Variants in JMJD1C observed in about 807,000 individuals in gnomAD.
The protein encoded by JMJD1C is jumonji domain-containing protein 1C.
A neutral mutation model predicts 245.3 loss-of-function variants in JMJD1C; 31 were observed. The observed-to-expected ratio is 0.13, with a 90% CI of 0.09 to 0.17. The LOEUF (loss-of-function observed/expected upper bound fraction) is 0.17. JMJD1C is among the 10% of genes least tolerant of loss of function. The pLI is 1.00. For synonymous variants in JMJD1C, 1,057 were observed against 1,017.4 expected (o/e 1.04, Z -0.74); for missense variants, 2,691 against 3,000.2 (o/e 0.90, Z 2.41).
intron 2 of JMJD1C, among the ~76,000 whole-genome samples, chr10:63,373,721 CAT>C (rs1278534363): frequency 6.6e-6 from 1 of 152,156 alleles, no homozygotes; most frequent in African/African-American, 2.4e-5. Context: ...ATTGCCATCT[CAT>C]ATACAGATCC....
chr10:63,468,600 GAATT>G (rs1235756269), upstream of JMJD1C, among the ~76,000 whole-genome samples: 1 of 152,104 alleles, frequency 6.6e-6, no homozygotes, highest in African/African-American at 2.4e-5. Flanking sequence ...GAATGACAGT[GAATT>G]ACTTAAAATA....
At chr10:63,224,243 T>A (rs1419933458) in intron 3 of JMJD1C, among the ~76,000 whole-genome samples, 10 of 152,236 alleles carry the variant, frequency 6.6e-5, no homozygotes, top group African/African-American at 2.4e-4. Context: ...TCTCCTCATC[T>A]ATAAAGCAGA....
intron 2 of JMJD1C, among the ~76,000 whole-genome samples, chr10:63,358,547 T>C (rs576506727): frequency 6.6e-6 from 1 of 152,180 alleles, no homozygotes; most frequent in South Asian, 2.1e-4. Context: ...TATCATATAT[T>C]AGGGTTAGAA....
chr10:63,207,359 C>T lies in JMJD1C; in HGVS notation c.4310G>A (p.Ser1437Asn), dbSNP rs1429603659. The change falls in exon 10 of 26, where the codon AGT (serine) becomes AAT (asparagine). Residue 1437 changes from serine to asparagine, a missense_variant. Around this residue, in one of 9 missense-constraint regions of JMJD1C, gnomAD observed 1,562 missense variants for 1,490.7 expected, o/e 1.05. Coordinates refer to ENST00000399262, the MANE Select transcript of JMJD1C (RefSeq NM_032776.3). ...TTTTTGAGCCACTGGCTGACTGACA[C>T]TTTTTGAAGATACACATTCTGATGA... ...STSSECVSSK[S>N]VSQPVAQKQE... The T allele has an allele frequency of 1.2e-5, 20 of 1,613,784 alleles. No individual in the cohort carries two copies. The Admixed American group carries it at 3.3e-4, about 27-fold the overall frequency.
At chr10:63,501,658 C>A (rs1757170832) in intron 1 of JMJD1C, among the ~76,000 whole-genome samples, 1 of 152,064 alleles carries the variant, frequency 6.6e-6, no homozygotes, top group Non-Finnish European at 1.5e-5. Flanking sequence ...TGCCTATAGT[C>A]CCAGCTACTA....
At chr10:63,283,943 T>C (rs144873918) in intron 2 of JMJD1C, among the ~76,000 whole-genome samples, 36 of 152,174 alleles carry the variant, frequency 2.4e-4, no homozygotes, top group African/African-American at 7.7e-4. Context: ...GTTCATGAAC[T>C]AGGTTTGTCA....
chr10:63,412,972 C>A (rs758290730), intron 1 of JMJD1C, among the ~76,000 whole-genome samples: 3 of 151,934 alleles, frequency 2.0e-5, no homozygotes, highest in Non-Finnish European at 4.4e-5. Flanking sequence ...ATAGTGTATA[C>A]GAGGGATGAT....
At chr10:63,319,864 A>C (rs765991875) in intron 2 of JMJD1C, among the ~76,000 whole-genome samples, 11 of 152,166 alleles carry the variant, frequency 7.2e-5, no homozygotes, top group Non-Finnish European at 1.5e-4. Context: ...TCCAGGTTCA[A>C]GCAATTCTCC....
intron 2 of JMJD1C, among the ~76,000 whole-genome samples, chr10:63,364,880 C>CA (rs1374972661): frequency 6.6e-6 from 1 of 152,214 alleles, no homozygotes; most frequent in African/African-American, 2.4e-5. Flanking sequence ...CAAATCCCAC[C>CA]ATACTACAGC....
chr10:63,474,974 G>C (rs546420963), intron 1 of JMJD1C, among the ~76,000 whole-genome samples: 1 of 152,180 alleles, frequency 6.6e-6, no homozygotes, highest in Admixed American at 6.5e-5. Flanking sequence ...TTACCCATGG[G>C]GGTGGGTAGT....
chr10:63,299,142 G>A (rs1047934251), intron 2 of JMJD1C, among the ~76,000 whole-genome samples: 1 of 152,070 alleles, frequency 6.6e-6, no homozygotes, highest in Non-Finnish European at 1.5e-5. Context: ...GAAAAGTTTA[G>A]AAATAAAGAT....
chr10:63,462,848 T>C (rs1379488714), intron 1 of JMJD1C, among the ~76,000 whole-genome samples: 2 of 152,202 alleles, frequency 1.3e-5, no homozygotes, highest in Admixed American at 6.5e-5. Context: ...ATAATAAGCG[T>C]ATAACATTTA....
chr10:63,250,144 C>G (rs1413974491), intron 3 of JMJD1C, among the ~76,000 whole-genome samples: 1 of 151,948 alleles, frequency 6.6e-6, no homozygotes, highest in Non-Finnish European at 1.5e-5. Context: ...TTCCAGGTAG[C>G]TGAGACTACA....
rs138153105 is a variant in JMJD1C at position 63,514,522 on chromosome 10, T to G, written n.113+7216A>C. Reference sequence around the variant, plus strand: ...GGTCATTATCCTAAGCAAATTAAGGTAGGAACAGAAAACCAAATACTGCAT... The same window carrying G: ...GGTCATTATCCTAAGCAAATTAAGGGAGGAACAGAAAACCAAATACTGCAT... On this transcript the variant is annotated intron_variant and non_coding_transcript_variant, in intron 1 of 3. Transcript: ENST00000633035. Among the ~76,000 whole-genome samples, 296 of 151,986 alleles carry G rather than the reference T, an allele frequency of 1.9e-3. 2 individuals are homozygous for G. Among genetic ancestry groups the G allele is most frequent in the Non-Finnish European group, 2.1e-3 (143 of 67,994 alleles).
chr10:63,167,980 C>CAT lies in JMJD1C; in HGVS notation c.*63_*64dup. 1.1e-6 allele frequency: 1 copy of CAT among 927,390 alleles called. No homozygotes were observed. The highest frequency in any genetic ancestry group is 1.8e-6 in the Non-Finnish European group (1 of 559,970). The allele number at this position is 927,390 out of a possible 1,614,324, so 57.4% of individuals were successfully genotyped here. ...ATGAAGCTTAAAGTCAGTGTGCATA[C>CAT]ATATCATCATTCAAGGTTAAGTAAT... is the stretch of plus-strand genomic sequence containing the variant. On this transcript the variant is annotated 3_prime_UTR_variant, in exon 26 of 26. Transcript: ENST00000399262.
chr10:63,240,871 C>T (rs149573832), intron 3 of JMJD1C, among the ~76,000 whole-genome samples: 104 of 152,186 alleles, frequency 6.8e-4, no homozygotes, highest in African/African-American at 2.1e-3. Flanking sequence ...ATATGACCAG[C>T]GGGATATCTC....
intron 1 of JMJD1C, chr10:63,427,226 T>TCC (rs1037188382): frequency 6.0e-6 from 1 of 167,868 alleles, no homozygotes; most frequent in Non-Finnish European, 1.3e-5. Context: ...CGAGCTCCGG[T>TCC]CCCCGCGTGT....
Position 63,465,631 on chromosome 10 carries a change from C to T in JMJD1C, c.32G>A (p.Gly11Asp). Reference protein sequence around the residue: MAVETRAELVGKRFLCVAVGD... With the variant: MAVETRAELVDKRFLCVAVGD... ...GACCGCCACACACAGGAACCGCTTA[C>T]CCACCAGCTCTGCCCGCGTCTCTAC... is the stretch of plus-strand genomic sequence containing the variant. The change falls in exon 1 of 26, where the codon GGT becomes GAT. Residue 11 changes from glycine (G) to aspartate (D), a missense_variant. Around this residue, in one of 9 missense-constraint regions of JMJD1C, gnomAD observed 135 missense variants for 115.5 expected, o/e 1.17. Transcript: ENST00000399262. 1 of 1,610,014 alleles carries T rather than the reference C, an allele frequency of 6.2e-7. No individual in the cohort carries two copies. Among genetic ancestry groups the T allele is most frequent in the South Asian group, 1.1e-5 (1 of 91,082 alleles).
intron 10 of JMJD1C, chr10:63,203,821 G>A (rs2133112292): frequency 2.1e-6 from 2 of 973,834 alleles, no homozygotes; most frequent in East Asian, 1.1e-4. Context: ...AACGGTGTAT[G>A]TAATCATATT....
Sources: allele counts gnomAD v4.1 joint callset (sites outside exome capture counted in the v4.1 genomes callset), GRCh38; gene constraint gnomAD v4.1.1; regional missense constraint gnomAD v4.1.1; transcripts MANE v1.5; gene names NCBI Gene and HGNC (gene_info 2026-07-23, HGNC 2026-07-21).